Variants in FBN2 observed in about 807,000 individuals in gnomAD.
FBN2 encodes fibrillin-2.
In FBN2, 105 loss-of-function variants were observed where a neutral mutation model predicts 355.6. The ratio of observed to expected loss-of-function variants is 0.30; its 90% CI spans 0.25 to 0.35. The LOEUF is 0.35. Ranked by LOEUF, FBN2 falls within the 10% of genes least tolerant of loss-of-function variation. The pLI is 1.00. For missense variants in FBN2, 3,280 were observed against 3,758.7 expected, an observed-to-expected ratio of 0.87 and a Z score of 3.33; for synonymous variants, 1,350 against 1,301.2, an observed-to-expected ratio of 1.04 and a Z score of -0.81.
intron 4 of FBN2, among the ~76,000 whole-genome samples, chr5:128,526,533 T>C (rs1184901969): frequency 1.3e-5 from 2 of 152,140 alleles, no homozygotes; most frequent in African/African-American, 4.8e-5. Context: ...ATTCATATAA[T>C]GAAATATTAT....
chr5:128,340,839 A>G (rs1375372981), intron 25 of FBN2, among the ~76,000 whole-genome samples: 1 of 152,086 alleles, frequency 6.6e-6, no homozygotes, highest in African/African-American at 2.4e-5. Flanking sequence ...CTCTCTCTAT[A>G]TATATATGCA....
chr5:128,279,623 G>A (rs55900509), intron 56 of FBN2, among the ~76,000 whole-genome samples: 35,161 of 151,876 alleles, frequency 0.23, 5,026 homozygotes, highest in Middle Eastern at 0.43. Context: ...ACAGCTTAGC[G>A]CTCTTATTTC....
chr5:128,310,243 C>T, intron 39 of FBN2, 135 bp from the exon 40 acceptor site: 1 of 720,114 alleles, frequency 1.4e-6, no homozygotes, highest in Non-Finnish European at 2.4e-6. Context: ...AAGAAAATAT[C>T]CCAAATATGC....
chr5:128,529,790 A>T (rs1756656439), intron 3 of FBN2, among the ~76,000 whole-genome samples: 1 of 152,202 alleles, frequency 6.6e-6, no homozygotes, highest in Non-Finnish European at 1.5e-5. Context: ...GATGAATTTG[A>T]ATGGTAGGTT....
intron 34 of FBN2, among the ~76,000 whole-genome samples, chr5:128,321,435 C>A (rs1750371121): frequency 6.6e-6 from 1 of 152,092 alleles, no homozygotes; most frequent in South Asian, 2.1e-4. Flanking sequence ...CTAATGCTAT[C>A]CCTCCCCTAG....
rs529484709 is a variant in FBN2, at chr5:128,484,799, G to A, written c.629-19878C>T. Among the ~76,000 whole-genome samples the A allele has an allele frequency of 4.6e-5, 7 of 152,256 alleles. No homozygotes were observed. In the South Asian group the frequency reaches 8.3e-4, roughly 18 times the overall value. On this transcript the variant is annotated intron_variant, in intron 5 of 64. Transcript: ENST00000262464. ...AAAGCCCAAGGTCAATGCACTATTC[G>A]GTGGCAACAGGGCTGAGACTCAGAG...
At chr5:128,478,608 C>T (rs1282769744) in intron 5 of FBN2, among the ~76,000 whole-genome samples, 1 of 152,166 alleles carries the variant, frequency 6.6e-6, no homozygotes, top group Admixed American at 6.5e-5. Context: ...ATGCCTACAA[C>T]TGATGAATCT....
At chr5:128,462,674 C>T (rs545781060) in intron 6 of FBN2, among the ~76,000 whole-genome samples, 1 of 152,190 alleles carries the variant, frequency 6.6e-6, no homozygotes, top group Admixed American at 6.5e-5. Flanking sequence ...TCAGATGACA[C>T]ATTTTTTATA....
At position 128,335,462 on chromosome 5, in the gene FBN2, C is replaced by T. The variant is rs372613935; in HGVS notation, c.3840G>A (p.Ser1280=). Residue 1280 remains serine (S), a synonymous_variant, in exon 29 of 65, where the codon TCG becomes TCA. Transcript: ENST00000262464. ...EGYALMPDGR[S]CADIDECENN... ...GTGTTTTCCTTTCTATACCTGCACA[C>T]GATCTCCCATCTGGCATCAGGGCAT... 1.5e-5 allele frequency: 24 copies of T among 1,614,102 alleles called. No homozygotes were observed. The highest frequency in any genetic ancestry group is 8.3e-5 in the Admixed American group (5 of 60,016).
At chr5:128,466,653 G>C (rs181524366) in intron 5 of FBN2, among the ~76,000 whole-genome samples, 243 of 152,228 alleles carry the variant, frequency 1.6e-3, no homozygotes, top group African/African-American at 5.6e-3. Flanking sequence ...AAACAAAATC[G>C]AGAATAGGTA....
chr5:128,454,378 A>G (rs3792873), intron 6 of FBN2, among the ~76,000 whole-genome samples: 18,673 of 152,178 alleles, frequency 0.12, 1,452 homozygotes, highest in African/African-American at 0.22. Context: ...TTTAGGAATA[A>G]CTTGTGTTAA....
rs375365615 is a variant in FBN2 at position 128,334,348 on chromosome 5, G to A, written c.4099+371C>T. ...AGAAGTGCAGAGGTAAATGGCAACC[G>A]GGATCCTCGGGTCTTTTGGTGCTCT... On this transcript the variant is annotated intron_variant, in intron 31 of 64. Transcript: ENST00000262464. 3.5e-4 allele frequency among the ~76,000 whole-genome samples: 54 copies of A among 152,198 alleles called. 1 individual carries two copies. The South Asian group carries it at 0.01, about 29-fold the overall frequency.
At chr5:128,331,101 G>A (rs1377339079) in intron 32 of FBN2, among the ~76,000 whole-genome samples, 1 of 152,202 alleles carries the variant, frequency 6.6e-6, no homozygotes, top group African/African-American at 2.4e-5. Context: ...TGAGGAAACA[G>A]AGATATGATT....
At chr5:128,446,359 T>C (rs1754063647) in intron 7 of FBN2, 122 bp downstream of exon 7, 1 of 1,056,184 alleles carries the variant, frequency 9.5e-7, no homozygotes, top group Non-Finnish European at 1.4e-6. Context: ...CTTAAACCTA[T>C]GCTTTCATAG....
intron 5 of FBN2, among the ~76,000 whole-genome samples, chr5:128,490,503 C>T (rs957488014): frequency 2.0e-5 from 3 of 152,086 alleles, no homozygotes; most frequent in African/African-American, 2.4e-5. Context: ...CCTCTATAAT[C>T]GAAAAAGTTT....
At chr5:128,364,462 C>T (rs1410664134) in intron 18 of FBN2, 138 bp downstream of exon 18, 2 of 863,606 alleles carry the variant, frequency 2.3e-6, no homozygotes, top group East Asian at 5.4e-5. Flanking sequence ...CTGATATTTT[C>T]CTGTCAATGT....
At chr5:128,526,503 G>A (rs1756566806) in intron 4 of FBN2, among the ~76,000 whole-genome samples, 1 of 152,084 alleles carries the variant, frequency 6.6e-6, no homozygotes, top group Non-Finnish European at 1.5e-5. Flanking sequence ...ACAGATGACT[G>A]GATAAACAAA....
intron 5 of FBN2, among the ~76,000 whole-genome samples, chr5:128,499,794 CT>C (rs565172337): frequency 0.015 from 2,163 of 146,244 alleles, 47 homozygotes; most frequent in African/African-American, 0.049. Flanking sequence ...GAACTTAATT[CT>C]TTTTTTTTTT....
intron 15 of FBN2, among the ~76,000 whole-genome samples, chr5:128,371,521 T>A (rs1160206780): frequency 7.2e-6 from 1 of 138,332 alleles, no homozygotes; most frequent in Non-Finnish European, 1.6e-5. Flanking sequence ...CCTTCCTTCC[T>A]TCCTTCCTTC....
Sources: gnomAD v4.1 joint callset for allele counts (sites outside exome capture counted in the v4.1 genomes callset) on GRCh38, gnomAD v4.1.1 for gene constraint, MANE v1.5 for transcripts, NCBI Gene and HGNC (gene_info 2026-07-23, HGNC 2026-07-21) for gene names.